The following NDRG2 variants were observed in gnomAD, a reference collection of about 807,000 sequenced individuals.
NDRG2 encodes the protein NDRG family member 2.
Under a neutral mutation model 58.2 loss-of-function variants are expected in NDRG2, and 34 were observed. The observed-to-expected ratio is 0.58, with a 90% CI of 0.44 to 0.78. The LOEUF (loss-of-function observed/expected upper bound fraction) is 0.78, where lower values mean the gene tolerates loss of function less well. NDRG2 is among the 30% of genes least tolerant of loss of function. The pLI is 0.00. For missense variants in NDRG2, 434 were observed against 471.2 expected, an observed-to-expected ratio of 0.92 and a Z score of 0.73; for synonymous variants, 187 against 175.9, an observed-to-expected ratio of 1.06 and a Z score of -0.50.
In NDRG2 at chr14:21,048,981, G is replaced by C. The variant is rs558008576; in HGVS notation, c.24+21847C>G. ...ACTTTGAGTTGAAGGAGAAGTAAAA[G>C]GGGGCTTTGGAGAATTTCTGTTAAG... On this transcript the variant is annotated intron_variant, in intron 1 of 14. Transcript: ENST00000403829. Among the ~76,000 whole-genome samples the C allele has an allele frequency of 1.2e-4, 19 of 152,312 alleles. No individual in the cohort carries two copies. In the East Asian group the frequency reaches 2.9e-3, roughly 23 times the overall value.
chr14:21,044,050 T>G (rs1215398686), intron 1 of NDRG2: 1 of 168,312 alleles, frequency 5.9e-6, no homozygotes, highest in Non-Finnish European at 1.4e-5. Flanking sequence ...AACCTGGACT[T>G]GAACCTAGGT....
At position 21,018,222 on chromosome 14, in the gene NDRG2, A is replaced by G. The variant is rs1214797181; in HGVS notation, c.879T>C (p.Gly293=). 1.2e-6 allele frequency: 2 copies of G among 1,613,676 alleles called. No individual in the cohort carries two copies. The highest frequency in any genetic ancestry group is 3.3e-5 in the Admixed American group (2 of 60,018). ...CACTCACCTGAGTCAGCTGGGGCTG[A>G]CCTCCGGAGTCAGCCATCTGTTCAG... ...TSFLKMADSG[G]QPQLTQPGKL... is the part of the protein sequence containing the mutation. The change falls in exon 14 of 16, where the codon GGT becomes GGC. Residue 293 remains glycine, a synonymous_variant. Transcript: ENST00000556147.
chr14:21,030,411 A>G, upstream of NDRG2: 2 of 661,286 alleles, frequency 3.0e-6, no homozygotes, highest in Non-Finnish European at 5.2e-6. Flanking sequence ...GCGTAGGTGC[A>G]ATGGGAGCTG....
At position 21,052,147 on chromosome 14, in the gene NDRG2, G is replaced by C. The variant is rs577114266; in HGVS notation, c.24+18681C>G. 2.0e-5 allele frequency among the ~76,000 whole-genome samples: 3 copies of C among 152,332 alleles called. No homozygotes were observed. The South Asian group carries it at 6.2e-4, about 32-fold the overall frequency. ...AAACTCCTTGTGTTATAAATAGTAA[G>C]AAGACTGAGAGGATCAGAGTGATGA... On this transcript the variant is annotated intron_variant, in intron 1 of 14. Coordinates refer to the NDRG2 transcript ENST00000403829.
intron 1 of NDRG2, chr14:21,030,973 C>A: frequency 6.3e-7 from 1 of 1,576,160 alleles, no homozygotes. Flanking sequence ...GTAATGCATT[C>A]ATGCTCCAAA....
At chr14:21,027,279 C>G (rs1461149250), upstream of NDRG2, among the ~76,000 whole-genome samples, 2 of 152,360 alleles carry the variant, frequency 1.3e-5, no homozygotes, top group East Asian at 3.9e-4. Context: ...TCTGTCTAAA[C>G]TCTTTCCCTT....
At chr14:21,030,562 TC>T, upstream of NDRG2, 1 of 1,610,826 alleles carries the variant, frequency 6.2e-7, no homozygotes, top group African/African-American at 1.3e-5. Context: ...ACGACTGCCC[TC>T]CCCGACCTCT....
intron 1 of NDRG2, chr14:21,042,998 A>G: frequency 6.2e-7 from 1 of 1,612,594 alleles, no homozygotes; most frequent in Non-Finnish European, 8.5e-7. Flanking sequence ...GAGAGATGGC[A>G]CCGGCCAGAG....
intron 1 of NDRG2, among the ~76,000 whole-genome samples, chr14:21,063,257 C>A (rs539234282): frequency 3.3e-5 from 5 of 152,124 alleles, no homozygotes; most frequent in Non-Finnish European, 5.9e-5. Context: ...TATAAACACA[C>A]ACGTGTTCAG....
intron 1 of NDRG2, among the ~76,000 whole-genome samples, chr14:21,052,862 C>T (rs1335399364): frequency 6.6e-6 from 1 of 152,192 alleles, no homozygotes; most frequent in East Asian, 1.9e-4. Flanking sequence ...TGGTGAGAGT[C>T]ATCCAGACAG....
In NDRG2 at chr14:21,024,159, G is replaced by C; in HGVS notation, c.-136C>G. On this transcript the variant is annotated 5_prime_UTR_variant, in exon 1 of 16. Transcript: ENST00000556147. Reference sequence around the variant, plus strand: ...ACAGACCTGGGGTCTTTCAGGGACGGAAAGCCTCAGCCAAGACCCAGACTC... The same window carrying C: ...ACAGACCTGGGGTCTTTCAGGGACGCAAAGCCTCAGCCAAGACCCAGACTC... 1 of 985,378 alleles carries C rather than the reference G, an allele frequency of 1.0e-6. No individual in the cohort carries two copies. The highest frequency in any genetic ancestry group is 4.7e-5 in the South Asian group (1 of 21,286). 61.0% of individuals were successfully genotyped at this position (985,378 alleles called of 1,614,324 possible).
chr14:21,024,928 C>T lies in NDRG2; in HGVS notation c.-905G>A. On this transcript the variant is annotated 5_prime_UTR_variant, in exon 1 of 16. Coordinates refer to ENST00000556147, the MANE Select transcript of NDRG2 (RefSeq NM_001320329.2). ...CGCCCGCTCCGTGCTGGCCCTTTCC[C>T]CCGAGCCTCCAGCTCCAGGGGACGC... 1.0e-6 allele frequency: 1 copy of T among 985,618 alleles called. No individual in the cohort carries two copies. The highest frequency in any genetic ancestry group is 1.2e-6 in the Non-Finnish European group (1 of 830,078). The allele number at this position is 985,618 out of a possible 1,614,324, so 61.1% of individuals were successfully genotyped here.
intron 1 of NDRG2, chr14:21,033,903 A>G (rs1485616079): frequency 2.5e-6 from 4 of 1,614,044 alleles, no homozygotes; most frequent in Non-Finnish European, 3.4e-6. Flanking sequence ...CTGGTTGGTT[A>G]GGGTGCTATT....
intron 1 of NDRG2, chr14:21,031,036 G>A (rs1292942891): frequency 8.1e-6 from 13 of 1,613,336 alleles, no homozygotes; most frequent in East Asian, 6.7e-5. Context: ...GAACCATCAC[G>A]TTTCAACAGT....
intron 2 of NDRG2, 114 bp from the exon 3 acceptor site, chr14:21,023,019 CAG>C: frequency 7.9e-7 from 1 of 1,271,970 alleles, no homozygotes; most frequent in Non-Finnish European, 1.1e-6. Context: ...TGACCAAAGA[CAG>C]AAAGAGATTG....
intron 1 of NDRG2, among the ~76,000 whole-genome samples, chr14:21,057,203 G>A (rs1385763063): frequency 6.6e-6 from 1 of 152,292 alleles, no homozygotes; most frequent in East Asian, 1.9e-4. Context: ...GGGAGGCTGA[G>A]GTGGGTGGAT....
rs184771127 is a variant in NDRG2, at chr14:21,044,838, C to T, written c.25-21517G>A. Among the ~76,000 whole-genome samples, 36 of 152,332 alleles carry T rather than the reference C, an allele frequency of 2.4e-4. No individual in the cohort carries two copies. In the East Asian group the frequency reaches 6.6e-3, roughly 28 times the overall value. ...AACCCTGCTGAGGATTCCACTCTAC[C>T]TATCCCTCCCCATCAACTCCTGTGC... On this transcript the variant is annotated intron_variant, in intron 1 of 14. Transcript: ENST00000403829.
chr14:21,032,938 C>T (rs983782592), intron 1 of NDRG2: 3 of 455,916 alleles, frequency 6.6e-6, no homozygotes, highest in Non-Finnish European at 1.3e-5. Flanking sequence ...ATCTTACATA[C>T]TCAGATGTGG....
At chr14:21,031,156 T>C (rs1566487124) in intron 1 of NDRG2, 1 of 1,613,608 alleles carries the variant, frequency 6.2e-7, no homozygotes, top group Non-Finnish European at 8.5e-7. Flanking sequence ...CAGCCACCAC[T>C]GGCGCTACTG....
Sources: allele counts gnomAD v4.1 joint callset (sites outside exome capture counted in the v4.1 genomes callset), GRCh38; gene constraint gnomAD v4.1.1; transcripts MANE v1.5; gene names NCBI Gene and HGNC (gene_info 2026-07-23, HGNC 2026-07-21).